The following IFT172 variants were observed in gnomAD, a reference collection of about 807,000 sequenced individuals.
IFT172 encodes the protein intraflagellar transport protein 172 homolog.
In IFT172, 164 loss-of-function variants were observed where a neutral mutation model predicts 248.9. That is an observed-to-expected ratio of 0.66 (90% CI 0.58 to 0.75). IFT172 has a LOEUF of 0.75. Ranked by LOEUF, IFT172 falls within the 30% of genes least tolerant of loss-of-function variation. The pLI is 0.00. For synonymous variants in IFT172, 729 were observed against 791.6 expected, an observed-to-expected ratio of 0.92 and a Z score of 1.33; for missense variants, 1,950 against 2,192.4, an observed-to-expected ratio of 0.89 and a Z score of 2.21.
chr2:27,453,819 G>T, intron 33 of IFT172, 80 bp from the exon 34 acceptor site: 1 of 1,435,832 alleles, frequency 7.0e-7, no homozygotes, highest in Non-Finnish European at 9.6e-7. Context: ...CTGGCCCACA[G>T]ACTCCTGGGT....
chr2:27,453,616 C>T lies in IFT172; in HGVS notation c.3821+14G>A. On this transcript the variant is annotated intron_variant, in intron 34 of 47. Transcript: ENST00000260570. ...CCAGCCCTGCCAATGCTGCCTGGAC[C>T]TCTGGCCTCATACCTGGCCCCCTTC... is the stretch of plus-strand genomic sequence containing the variant. 1 of 1,609,608 alleles carries T rather than the reference C, an allele frequency of 6.2e-7. No homozygotes were observed. Among genetic ancestry groups the T allele is most frequent in the Non-Finnish European group, 8.5e-7 (1 of 1,176,970 alleles).
chr2:27,464,002 A>C (rs1385798866), intron 18 of IFT172, among the ~76,000 whole-genome samples: 2 of 152,232 alleles, frequency 1.3e-5, no homozygotes, highest in African/African-American at 4.8e-5. Flanking sequence ...AAAATGACAC[A>C]ATCTATGTTT....
At chr2:27,444,944 C>T (rs1664915329) in intron 47 of IFT172, 70 bp downstream of exon 47, 1 of 1,545,732 alleles carries the variant, frequency 6.5e-7, no homozygotes, top group Non-Finnish European at 8.8e-7. Context: ...CCACTGCACC[C>T]AGACTTGTTT....
intron 5 of IFT172, 38 bp downstream of exon 5, chr2:27,483,834 T>C: frequency 6.5e-7 from 1 of 1,544,842 alleles, no homozygotes. Flanking sequence ...CCATTATCCC[T>C]ACCACCCCCT....
At chr2:27,463,807 A>T (rs1666873353) in intron 18 of IFT172, among the ~76,000 whole-genome samples, 1 of 152,150 alleles carries the variant, frequency 6.6e-6, no homozygotes, top group Non-Finnish European at 1.5e-5. Context: ...AAGGCTCTAT[A>T]GCAGGTATGA....
At chr2:27,453,874 C>A in intron 33 of IFT172, 108 bp downstream of exon 33, 1 of 1,410,914 alleles carries the variant, frequency 7.1e-7, no homozygotes, top group Non-Finnish European at 9.7e-7. Context: ...TCCCCACTCC[C>A]CAATACTAAC....
chr2:27,468,012 T>C (rs1389174904), intron 16 of IFT172, among the ~76,000 whole-genome samples: 1 of 151,556 alleles, frequency 6.6e-6, no homozygotes, highest in Non-Finnish European at 1.5e-5. Context: ...TACAAAAAAT[T>C]AGCTGGGTGT....
At chr2:27,448,685 C>T (rs574901699) in intron 40 of IFT172, among the ~76,000 whole-genome samples, 6 of 152,168 alleles carry the variant, frequency 3.9e-5, no homozygotes, top group African/African-American at 1.4e-4. Context: ...GGGAGCTCCA[C>T]GGGTGTTTCT....
intron 15 of IFT172, chr2:27,472,032 T>G (rs1280484297): frequency 1.2e-5 from 7 of 561,104 alleles, no homozygotes; most frequent in African/African-American, 7.2e-5. Flanking sequence ...AGTGAGACAC[T>G]GTCTCCAAAA....
chr2:27,483,160 T>G, intron 7 of IFT172, 129 bp downstream of exon 7: 1 of 635,890 alleles, frequency 1.6e-6, no homozygotes, highest in South Asian at 1.9e-5. Flanking sequence ...CATGCCACCA[T>G]GCCCGACTAA....
chr2:27,481,012 G>A (rs1370665043), intron 8 of IFT172, 34 bp downstream of exon 8: 1 of 1,534,624 alleles, frequency 6.5e-7, no homozygotes, highest in South Asian at 1.1e-5. Flanking sequence ...CGCAGGGAAA[G>A]TAGGCAGTAG....
chr2:27,479,625 AT>A (rs1416957769), intron 9 of IFT172, 21 bp from the exon 10 acceptor site: 1 of 1,451,824 alleles, frequency 6.9e-7, no homozygotes, highest in Non-Finnish European at 9.7e-7. Flanking sequence ...AAGTGACAGC[AT>A]AAAAGGTCAC....
intron 30 of IFT172, 131 bp downstream of exon 30, chr2:27,456,380 C>G: frequency 8.3e-7 from 1 of 1,204,172 alleles, no homozygotes; most frequent in Non-Finnish European, 1.2e-6. Flanking sequence ...GGAATAGAAG[C>G]AGTTAATTTA....
At chr2:27,467,209 C>CA (rs1208372070) in intron 16 of IFT172, among the ~76,000 whole-genome samples, 3 of 151,546 alleles carry the variant, frequency 2.0e-5, no homozygotes, top group African/African-American at 7.3e-5. Flanking sequence ...GTAAAAAACT[C>CA]AATGTACAGT....
At chr2:27,459,232 C>G in intron 25 of IFT172, 146 bp downstream of exon 25, 1 of 1,007,088 alleles carries the variant, frequency 9.9e-7, no homozygotes, top group Non-Finnish European at 1.4e-6. Context: ...GGAAAGTAAA[C>G]TGTTCTCTTC....
rs370504937 is a variant in IFT172, at chr2:27,445,443, C to T, written c.4921G>A (p.Glu1641Lys). 5 of 1,610,248 alleles carry T rather than the reference C, an allele frequency of 3.1e-6. No individual in the cohort carries two copies. Among genetic ancestry groups the T allele is most frequent in the African/African-American group, 1.3e-5 (1 of 74,818 alleles). ...ACCCAGTCTCGAACCTCTTCTCTCT[C>T]AGCCTCCTGGAAAGGACAAGAAGGG... ...LPAKQHVPEA[E>K]REEVRDWVLT... Residue 1641 changes from glutamate (E) to lysine (K), a missense_variant, in exon 46 of 48, where the codon GAG becomes AAG. This residue lies in a region of IFT172 where 620 missense variants were observed against 699.0 expected (regional missense o/e 0.89). Transcript: ENST00000260570. This position sits in a 1 kb window ranked among gnomAD's most constrained non-coding sequence, Gnocchi z 4.4.
chr2:27,487,215 G>T (rs1159637123), intron 1 of IFT172, among the ~76,000 whole-genome samples: 1 of 152,158 alleles, frequency 6.6e-6, no homozygotes. Flanking sequence ...GAAGTGCTGG[G>T]ATTACAGGCG....
intron 16 of IFT172, among the ~76,000 whole-genome samples, chr2:27,467,032 T>C (rs3845687): frequency 0.41 from 62,824 of 151,758 alleles, 13,519 homozygotes; most frequent in African/African-American, 0.5. Flanking sequence ...TTTGTTTTTG[T>C]TTTGTTTTTA....
rs1304684890 is a variant in IFT172 at position 27,453,883 on chromosome 2, A to T, written c.3711+99T>A. The T allele has an allele frequency of 9.9e-6, 14 of 1,416,466 alleles. No homozygotes were observed. In the African/African-American group the frequency reaches 1.8e-4, roughly 18 times the overall value. The allele number at this position is 1,416,466 out of a possible 1,614,324, so 87.7% of individuals were successfully genotyped here. A position where few individuals can be genotyped will look rare whatever the true frequency, so the allele number is the denominator to read the frequency against. Reference sequence around the variant, plus strand: ...CTGTCTTCCCCACTCCCCAATACTAACCTCCCTGATCTTTCTTCATACCAG... The same window carrying T: ...CTGTCTTCCCCACTCCCCAATACTATCCTCCCTGATCTTTCTTCATACCAG... On this transcript the variant is annotated intron_variant, in intron 33 of 47. Coordinates refer to ENST00000260570, the MANE Select transcript of IFT172 (RefSeq NM_015662.3).
Sources: allele counts gnomAD v4.1 joint callset (sites outside exome capture counted in the v4.1 genomes callset), GRCh38; gene constraint gnomAD v4.1.1; regional missense constraint gnomAD v4.1.1; non-coding constraint Gnocchi (gnomAD v3.1); transcripts MANE v1.5; gene names NCBI Gene and HGNC (gene_info 2026-07-23, HGNC 2026-07-21).